Variants in TLL1 observed in about 807,000 individuals in gnomAD.
The protein encoded by TLL1 is tolloid like 1.
Under a neutral mutation model 128.2 loss-of-function variants are expected in TLL1, and 49 were observed. That is an observed-to-expected ratio of 0.38 (90% CI 0.30 to 0.48). The LOEUF (loss-of-function observed/expected upper bound fraction) is 0.48, where lower values mean the gene tolerates loss of function less well. Ranked by LOEUF, TLL1 falls within the 20% of genes least tolerant of loss-of-function variation. The pLI, the probability that TLL1 is intolerant of heterozygous loss-of-function variation, is 0.96. For missense variants in TLL1, 1,123 were observed against 1,242.0 expected, an observed-to-expected ratio of 0.90 and a Z score of 1.44; for synonymous variants, 454 against 418.8, an observed-to-expected ratio of 1.08 and a Z score of -1.03.
chr4:166,000,731 T>C (rs1386762282), intron 5 of TLL1, among the ~76,000 whole-genome samples: 1 of 152,178 alleles, frequency 6.6e-6, no homozygotes, highest in Non-Finnish European at 1.5e-5. Flanking sequence ...TTTGTTTTTT[T>C]CTTCATCTAA....
At chr4:166,060,565 T>G (rs1218423063) in intron 15 of TLL1, among the ~76,000 whole-genome samples, 2 of 152,184 alleles carry the variant, frequency 1.3e-5, no homozygotes, top group Non-Finnish European at 2.9e-5. Context: ...ACCTGGCATA[T>G]TTTACTTATG....
At chr4:165,991,498 T>G (rs117099649) in intron 2 of TLL1, among the ~76,000 whole-genome samples, 2 of 151,962 alleles carry the variant, frequency 1.3e-5, no homozygotes, top group South Asian at 4.1e-4. Flanking sequence ...AAATGTGCAA[T>G]GAAAAAATTT....
At position 166,043,332 on chromosome 4, in the gene TLL1, T is replaced by G. The variant is rs115164532; in HGVS notation, c.1437T>G (p.Pro479=). 545 of 1,614,168 alleles carry G rather than the reference T, an allele frequency of 3.4e-4. 5 individuals carry two copies. In the African/African-American group the frequency reaches 6.7e-3, roughly 20 times the overall value. The stretch of plus-strand genomic sequence containing the variant: ...GACAGATTCAGTCTCCCAATTATCC[T>G]GATGACTATCGCCCGATGAAAGAAT... ...NEGQIQSPNY[P]DDYRPMKECV... Residue 479 remains proline (P), a synonymous_variant, in exon 12 of 21, where the codon CCT becomes CCG. Transcript: ENST00000061240.
chr4:165,923,554 G>A (rs1733142453), intron 1 of TLL1, among the ~76,000 whole-genome samples: 1 of 147,590 alleles, frequency 6.8e-6, no homozygotes, highest in East Asian at 2.1e-4. Flanking sequence ...TCAGCCTCCT[G>A]TCCTGAGTAG....
chr4:166,027,339 C>A lies in TLL1; in HGVS notation c.1158+1908C>A, dbSNP rs533225498. 2.6e-5 allele frequency among the ~76,000 whole-genome samples: 4 copies of A among 152,198 alleles called. No homozygotes were observed. The East Asian group carries it at 7.7e-4, about 29-fold the overall frequency. Reference sequence around the variant, plus strand: ...TTACCTGGAAGAACTTAAGTACTCTCATTAGCCGTGGTGGGAATGCAATTG... The same window carrying A: ...TTACCTGGAAGAACTTAAGTACTCTAATTAGCCGTGGTGGGAATGCAATTG... On this transcript the variant is annotated intron_variant, in intron 9 of 20. Transcript: ENST00000061240.
At chr4:165,992,140 C>T (rs905823496) in intron 2 of TLL1, among the ~76,000 whole-genome samples, 3 of 151,926 alleles carry the variant, frequency 2.0e-5, no homozygotes, top group African/African-American at 7.2e-5. Context: ...GCACTACAGA[C>T]TTTTTTTACA....
chr4:166,035,532 A>G (rs899200140), intron 9 of TLL1, among the ~76,000 whole-genome samples: 8 of 152,132 alleles, frequency 5.3e-5, no homozygotes, highest in Non-Finnish European at 1.2e-4. Context: ...TCAACCTCAG[A>G]ATGTTTAAGT....
intron 1 of TLL1, among the ~76,000 whole-genome samples, chr4:165,927,025 G>A (rs1033231616): frequency 8.5e-5 from 13 of 152,144 alleles, no homozygotes; most frequent in Admixed American, 2.6e-4. Context: ...GTCCTGAAAT[G>A]TGAATTTGAT....
intron 15 of TLL1, among the ~76,000 whole-genome samples, chr4:166,061,865 T>A (rs1006145155): frequency 1.3e-5 from 2 of 152,152 alleles, no homozygotes; most frequent in Non-Finnish European, 2.9e-5. Context: ...AATATTTAAG[T>A]CTTTACTCCA....
chr4:165,978,719 A>C (rs1736004714), intron 1 of TLL1, among the ~76,000 whole-genome samples: 1 of 152,076 alleles, frequency 6.6e-6, no homozygotes, highest in Non-Finnish European at 1.5e-5. Flanking sequence ...GTTTCTTTGC[A>C]TTAAGTTGTA....
chr4:166,023,218 G>A (rs1738324770), intron 8 of TLL1, among the ~76,000 whole-genome samples: 1 of 152,146 alleles, frequency 6.6e-6, no homozygotes, highest in African/African-American at 2.4e-5. Flanking sequence ...GTCCAACATG[G>A]TGAAACCCCC....
intron 1 of TLL1, among the ~76,000 whole-genome samples, chr4:165,888,040 T>A (rs1038308805): frequency 6.6e-6 from 1 of 152,194 alleles, no homozygotes; most frequent in Non-Finnish European, 1.5e-5. Flanking sequence ...ATAATTTATA[T>A]GTATATTCTT....
intron 16 of TLL1, among the ~76,000 whole-genome samples, chr4:166,066,651 G>T (rs1009016546): frequency 1.6e-4 from 25 of 151,732 alleles, no homozygotes; most frequent in African/African-American, 5.8e-4. Flanking sequence ...TGGTCCTCAT[G>T]TGTTTAAAAT....
At chr4:166,059,658 T>A (rs551312927) in intron 14 of TLL1, among the ~76,000 whole-genome samples, 81 of 151,828 alleles carry the variant, frequency 5.3e-4, no homozygotes, top group East Asian at 2.5e-3. Flanking sequence ...AAAAAAAAAA[T>A]TTTTTTCCTT....
In TLL1 at chr4:165,939,044, T is replaced by A. The variant is rs1170735673; in HGVS notation, c.170-50337T>A. Among the ~76,000 whole-genome samples the A allele has an allele frequency of 2.6e-5, 4 of 152,010 alleles. No individual in the cohort carries two copies. The East Asian group carries it at 7.7e-4, about 29-fold the overall frequency. Reference sequence around the variant, plus strand: ...TAAAGTTGAATATGTTTCTCAGCTATCTGATGGTTCTTAATGATGTAATGA... The same window carrying A: ...TAAAGTTGAATATGTTTCTCAGCTAACTGATGGTTCTTAATGATGTAATGA... On this transcript the variant is annotated intron_variant, in intron 1 of 20. Coordinates refer to ENST00000061240, the MANE Select transcript of TLL1 (RefSeq NM_012464.5).
intron 12 of TLL1, among the ~76,000 whole-genome samples, chr4:166,049,550 G>A (rs940658275): frequency 6.6e-6 from 1 of 151,894 alleles, no homozygotes; most frequent in Non-Finnish European, 1.5e-5. Flanking sequence ...AAATGAAGTG[G>A]CAGCAGTTAA....
intron 8 of TLL1, among the ~76,000 whole-genome samples, chr4:166,021,314 G>T (rs545312848): frequency 1.7e-4 from 26 of 152,008 alleles, no homozygotes; most frequent in Middle Eastern, 3.4e-3. Flanking sequence ...TTAGTGAATG[G>T]TTGCCAGGGC....
chr4:165,899,187 T>C (rs1004883621), intron 1 of TLL1, among the ~76,000 whole-genome samples: 2 of 152,176 alleles, frequency 1.3e-5, no homozygotes, highest in Admixed American at 6.5e-5. Flanking sequence ...GATTCATTGA[T>C]TTTTTGAAGG....
chr4:165,945,658 G>T (rs758782406), intron 1 of TLL1, among the ~76,000 whole-genome samples: 9 of 152,072 alleles, frequency 5.9e-5, no homozygotes, highest in Admixed American at 1.3e-4. Context: ...CTGTATAAAT[G>T]ATTATAATAA....
Sources: allele counts gnomAD v4.1 joint callset (sites outside exome capture counted in the v4.1 genomes callset), GRCh38; gene constraint gnomAD v4.1.1; transcripts MANE v1.5; gene names NCBI Gene and HGNC (gene_info 2026-07-23, HGNC 2026-07-21).